The following ARHGAP31 variants were observed in gnomAD, a reference collection of about 807,000 sequenced individuals.
The protein encoded by ARHGAP31 is Rho GTPase activating protein 31, also known as rho GTPase-activating protein 31.
ARHGAP31 carries 34 observed loss-of-function variants against 113.9 expected under a neutral mutation model. The observed-to-expected ratio is 0.30, with a 90% CI of 0.23 to 0.40. The LOEUF (loss-of-function observed/expected upper bound fraction) is 0.40. Among genes scored for constraint, ARHGAP31 ranks in the 10% least tolerant of loss-of-function variants. The pLI, the probability that ARHGAP31 is intolerant of heterozygous loss-of-function variation, is 1.00. For missense variants in ARHGAP31, 1,548 were observed against 1,767.1 expected, an observed-to-expected ratio of 0.88 and a Z score of 2.22; for synonymous variants, 650 against 684.8, an observed-to-expected ratio of 0.95 and a Z score of 0.79.
intron 3 of ARHGAP31, among the ~76,000 whole-genome samples, chr3:119,375,276 C>T (rs1440001488): frequency 6.6e-6 from 1 of 152,184 alleles, no homozygotes; most frequent in East Asian, 1.9e-4. Context: ...AGGGCGTGCT[C>T]TCTCCAGAGG....
intron 2 of ARHGAP31, among the ~76,000 whole-genome samples, chr3:119,367,866 A>AAAAG (rs1559981726): frequency 3.0e-5 from 4 of 133,414 alleles, no homozygotes; most frequent in African/African-American, 1.2e-4. Flanking sequence ...CAAAAAAAAG[A>AAAAG]AAAAAAAAAA....
intron 7 of ARHGAP31, 53 bp downstream of exon 7, chr3:119,391,036 G>A: frequency 6.3e-7 from 1 of 1,583,474 alleles, no homozygotes; most frequent in South Asian, 1.1e-5. Context: ...GAAGAGGAAA[G>A]AGGAGGAGAG....
At chr3:119,299,138 A>ACAC (rs1452493028) in intron 1 of ARHGAP31, 2 of 152,216 alleles carry the variant, frequency 1.3e-5, no homozygotes, top group African/African-American at 4.8e-5. Context: ...AGTGATGGCA[A>ACAC]CACATTAGAA....
intron 1 of ARHGAP31, among the ~76,000 whole-genome samples, chr3:119,323,365 G>A (rs942862489): frequency 6.6e-6 from 1 of 152,208 alleles, no homozygotes; most frequent in Non-Finnish European, 1.5e-5. Context: ...TGGGCTTCTC[G>A]CGCCCCAGGG....
chr3:119,377,434 T>C (rs2080358628), intron 3 of ARHGAP31, among the ~76,000 whole-genome samples: 1 of 152,112 alleles, frequency 6.6e-6, no homozygotes, highest in Non-Finnish European at 1.5e-5. Context: ...AAGAAACAAA[T>C]TTTGCAAGTA....
Position 119,294,758 on chromosome 3 carries a change from A to C in ARHGAP31, c.-147A>C. 1 of 760,446 alleles carries C rather than the reference A, an allele frequency of 1.3e-6. No homozygotes were observed. The highest frequency in any genetic ancestry group is 2.3e-6 in the Non-Finnish European group (1 of 442,646). 47.1% of individuals were successfully genotyped at this position (760,446 alleles called of 1,614,324 possible). On this transcript the variant is annotated 5_prime_UTR_variant, in exon 1 of 12. Transcript: ENST00000264245. ...CCCGCGGCCCGCGGGGTCCATGCGCAGGGCCCCCAGCCCAAGTTCTTCCAT... is the reference window on the plus strand; with the variant it reads ...CCCGCGGCCCGCGGGGTCCATGCGCCGGGCCCCCAGCCCAAGTTCTTCCAT...
intron 1 of ARHGAP31, among the ~76,000 whole-genome samples, chr3:119,334,595 G>T (rs531961849): frequency 6.6e-6 from 1 of 152,180 alleles, no homozygotes; most frequent in African/African-American, 2.4e-5. Flanking sequence ...GTAGAAGGGA[G>T]TGCTGTTAAT....
chr3:119,356,412 C>T (rs1370325929), intron 1 of ARHGAP31, among the ~76,000 whole-genome samples: 2 of 152,066 alleles, frequency 1.3e-5, no homozygotes, highest in African/African-American at 4.8e-5. Flanking sequence ...AGGTAGATCA[C>T]CTGAGGTCGG....
chr3:119,356,815 T>C lies in ARHGAP31; in HGVS notation c.101-8501T>C, dbSNP rs62266685. On this transcript the variant is annotated intron_variant, in intron 1 of 11. Transcript: ENST00000264245. ...ATTTATGTTAGCAACCTGCTGTTGA[T>C]GACAATCTTGTGCAATTATGAAAAC... Among the ~76,000 whole-genome samples, 341 of 152,362 alleles carry C rather than the reference T, an allele frequency of 2.2e-3. 1 individual carries two copies. The highest frequency in any genetic ancestry group is 3.8e-3 in the Non-Finnish European group (256 of 68,036).
rs763442566 is a variant in ARHGAP31, at chr3:119,414,174, C to T, written c.2245C>T (p.Leu749Phe). 3 of 1,614,166 alleles carry T rather than the reference C, an allele frequency of 1.9e-6. No homozygotes were observed. In the East Asian group the frequency reaches 6.7e-5, roughly 36 times the overall value. Residue 749 changes from leucine to phenylalanine, a missense_variant, in exon 12 of 12, where the codon CTC (leucine) becomes TTC (phenylalanine). Transcript: ENST00000264245. The part of the protein sequence containing the change: ...PEPEQGLHPD[L>F]ASLAPLEIVP... The stretch of plus-strand genomic sequence containing the variant: ...ACCTGAGCAGGGCCTGCACCCAGAC[C>T]TCGCCAGCCTGGCTCCTCTGGAAAT...
chr3:119,353,892 T>C (rs944863473), intron 1 of ARHGAP31, among the ~76,000 whole-genome samples: 1 of 152,148 alleles, frequency 6.6e-6, no homozygotes, highest in African/African-American at 2.4e-5. Flanking sequence ...AAAGATCTTA[T>C]TACCTTTTGT....
At chr3:119,303,638 C>T (rs1025656534) in intron 1 of ARHGAP31, among the ~76,000 whole-genome samples, 4 of 152,156 alleles carry the variant, frequency 2.6e-5, no homozygotes, top group African/African-American at 7.2e-5. Flanking sequence ...CAACATATAC[C>T]AGCTCTCGCT....
At position 119,418,986 on chromosome 3, in the gene ARHGAP31, A is replaced by C. The variant is rs1317004828; in HGVS notation, c.*2722A>C. 1 of 152,454 alleles carries C rather than the reference A, an allele frequency of 6.6e-6. No individual in the cohort carries two copies. The highest frequency in any genetic ancestry group is 1.5e-5 in the Non-Finnish European group (1 of 68,238). The allele number at this position is 152,454 out of a possible 1,614,324, so 9.4% of individuals were successfully genotyped here. On this transcript the variant is annotated 3_prime_UTR_variant, in exon 12 of 12. Transcript: ENST00000264245. ...TGATGAAATTCCATTCTAAAGAAAG[A>C]AAACTCATATTCCTCCCCCCCACAA...
At chr3:119,355,325 CAAAT>C (rs2080145574) in intron 1 of ARHGAP31, among the ~76,000 whole-genome samples, 1 of 152,130 alleles carries the variant, frequency 6.6e-6, no homozygotes, top group African/African-American at 2.4e-5. Flanking sequence ...AACAAACAAA[CAAAT>C]AAAAACCCAC....
At chr3:119,381,278 T>C (rs2080394608) in intron 4 of ARHGAP31, among the ~76,000 whole-genome samples, 1 of 152,190 alleles carries the variant, frequency 6.6e-6, no homozygotes, top group African/African-American at 2.4e-5. Context: ...CATTCTTGGT[T>C]CATACCCAGA....
chr3:119,326,818 C>T (rs1241298398), intron 1 of ARHGAP31, among the ~76,000 whole-genome samples: 1 of 152,170 alleles, frequency 6.6e-6, no homozygotes, highest in Non-Finnish European at 1.5e-5. Flanking sequence ...TTACCCTGAT[C>T]ACTCACTGAT....
chr3:119,395,738 T>C (rs1320010534), intron 8 of ARHGAP31, among the ~76,000 whole-genome samples: 2 of 152,082 alleles, frequency 1.3e-5, no homozygotes, highest in Non-Finnish European at 2.9e-5. Context: ...ACCCCTTGCA[T>C]GAGGAATGGG....
At chr3:119,378,619 C>T (rs2080369409) in intron 3 of ARHGAP31, among the ~76,000 whole-genome samples, 1 of 152,182 alleles carries the variant, frequency 6.6e-6, no homozygotes, top group South Asian at 2.1e-4. Context: ...AGCTCCCCAC[C>T]CCTCCCTGTG....
chr3:119,340,086 A>G (rs761738697), intron 1 of ARHGAP31, among the ~76,000 whole-genome samples: 4 of 152,282 alleles, frequency 2.6e-5, no homozygotes, highest in African/African-American at 4.8e-5. Context: ...GTAAAAAACA[A>G]ATAATCTAAT....
Sources: allele counts gnomAD v4.1 joint callset (sites outside exome capture counted in the v4.1 genomes callset), GRCh38; gene constraint gnomAD v4.1.1; transcripts MANE v1.5; gene names NCBI Gene and HGNC (gene_info 2026-07-23, HGNC 2026-07-21).